Variants in PRKCE observed in about 807,000 individuals in gnomAD.
The protein encoded by PRKCE is protein kinase C epsilon.
PRKCE carries 16 observed loss-of-function variants against 85.4 expected under a neutral mutation model. The observed-to-expected ratio is 0.19, with a 90% CI of 0.13 to 0.28. PRKCE has a LOEUF of 0.28. Ranked by LOEUF, PRKCE falls within the 10% of genes least tolerant of loss-of-function variation. The pLI is 1.00. For missense variants in PRKCE, 573 were observed against 975.2 expected (o/e 0.59, Z 5.49); for synonymous variants, 388 against 371.5 (o/e 1.04, Z -0.51).
chr2:46,144,696 G>A (rs1187481933), intron 11 of PRKCE, among the ~76,000 whole-genome samples: 1 of 152,176 alleles, frequency 6.6e-6, no homozygotes, highest in Non-Finnish European at 1.5e-5. Flanking sequence ...GTCCCTATGT[G>A]TCATGCTGGG....
chr2:45,756,482 A>C (rs1411084431), intron 1 of PRKCE, among the ~76,000 whole-genome samples: 1 of 152,308 alleles, frequency 6.6e-6, no homozygotes, highest in Non-Finnish European at 1.5e-5. Flanking sequence ...CAGCCATTTC[A>C]CTCTAGGCCT....
intron 1 of PRKCE, among the ~76,000 whole-genome samples, chr2:45,762,581 G>A (rs956738127): frequency 6.6e-6 from 1 of 152,228 alleles, no homozygotes; most frequent in Admixed American, 6.5e-5. Flanking sequence ...ATCTGGAAGA[G>A]CTTGCCTGGG....
chr2:45,963,639 C>G (rs916088226), intron 2 of PRKCE, among the ~76,000 whole-genome samples: 1 of 152,156 alleles, frequency 6.6e-6, no homozygotes, highest in African/African-American at 2.4e-5. Flanking sequence ...CTGTCTTTCT[C>G]CATTTCCTTT....
Position 46,159,397 on chromosome 2 carries a change from C to A in PRKCE, c.1921-209C>A, listed in dbSNP as rs1449615046. Among the ~76,000 whole-genome samples the A allele has an allele frequency of 6.6e-6, 1 of 152,204 alleles. No individual in the cohort carries two copies. The highest frequency in any genetic ancestry group is 1.5e-5 in the Non-Finnish European group (1 of 68,036). On this transcript the variant is annotated intron_variant, in intron 13 of 14. Coordinates refer to ENST00000306156, the MANE Select transcript of PRKCE (RefSeq NM_005400.3). This position sits in a 1 kb window ranked among gnomAD's most constrained non-coding sequence, Gnocchi z 4.1. ...GGCATTAGGATGAAATGAGTTGATA[C>A]ATGTACCATGTCTAGAATGGTGTCT...
At chr2:46,111,596 T>TAAA (rs1393320262) in intron 11 of PRKCE, among the ~76,000 whole-genome samples, 2 of 152,194 alleles carry the variant, frequency 1.3e-5, no homozygotes, top group Non-Finnish European at 2.9e-5. Flanking sequence ...ACACAATACA[T>TAAA]GGTTATTTGT....
At chr2:45,693,626 C>T (rs1677913792) in intron 1 of PRKCE, among the ~76,000 whole-genome samples, 1 of 152,166 alleles carries the variant, frequency 6.6e-6, no homozygotes, top group African/African-American at 2.4e-5. Flanking sequence ...TCGGATCTGA[C>T]AGCTGATGTT....
chr2:46,118,098 C>G (rs1672952212), intron 11 of PRKCE, among the ~76,000 whole-genome samples: 1 of 152,146 alleles, frequency 6.6e-6, no homozygotes, highest in African/African-American at 2.4e-5. Flanking sequence ...TGACCAATAG[C>G]ATGGATAATT....
intron 1 of PRKCE, among the ~76,000 whole-genome samples, chr2:45,657,616 A>G (rs565061215): frequency 1.9e-4 from 29 of 152,268 alleles, no homozygotes; most frequent in Admixed American, 7.2e-4. Flanking sequence ...AGGTTTTCAT[A>G]TTCTCCAAAG....
chr2:46,003,882 T>G (rs1704930656), intron 7 of PRKCE: 1 of 153,754 alleles, frequency 6.5e-6, no homozygotes, highest in African/African-American at 2.4e-5. Context: ...ACACTGGGTA[T>G]TAGGAACACT....
At chr2:45,862,204 A>G (rs2105665838) in intron 2 of PRKCE, among the ~76,000 whole-genome samples, 1 of 151,798 alleles carries the variant, frequency 6.6e-6, no homozygotes. Context: ...ACACACACAC[A>G]CACACACACA....
chr2:45,879,993 C>A (rs1183966429), intron 2 of PRKCE, among the ~76,000 whole-genome samples: 2 of 152,020 alleles, frequency 1.3e-5, no homozygotes, highest in African/African-American at 2.4e-5. Context: ...GATTTTGTAT[C>A]CTTTAACAAA....
chr2:46,026,040 G>A (rs1459319416), intron 10 of PRKCE, among the ~76,000 whole-genome samples: 2 of 152,178 alleles, frequency 1.3e-5, no homozygotes, highest in Non-Finnish European at 2.9e-5. Context: ...TGATTCTTGT[G>A]CATCCATATC....
intron 1 of PRKCE, among the ~76,000 whole-genome samples, chr2:45,654,399 A>T (rs1320799087): frequency 1.3e-5 from 2 of 152,252 alleles, no homozygotes; most frequent in Admixed American, 6.5e-5. Context: ...AGGCCAGATC[A>T]TCTAGTGCAC....
intron 11 of PRKCE, among the ~76,000 whole-genome samples, chr2:46,117,632 A>G (rs779224056): frequency 6.6e-6 from 1 of 152,192 alleles, no homozygotes; most frequent in African/African-American, 2.4e-5. Context: ...GTCCTAAGCC[A>G]GTTCTTTTTA....
In PRKCE at chr2:45,720,389, T is replaced by C. The variant is rs577490962; in HGVS notation, c.348+67941T>C. ...TTCTAGGGATTTGAGGGCTCCCCAG[T>C]ACCTCCCAGGGGTAGCTTGGGGAGT... On this transcript the variant is annotated intron_variant, in intron 1 of 14. Transcript: ENST00000306156. 1.4e-4 allele frequency among the ~76,000 whole-genome samples: 22 copies of C among 152,200 alleles called. No individual in the cohort carries two copies. The East Asian group carries it at 4.1e-3, about 28-fold the overall frequency.
intron 1 of PRKCE, among the ~76,000 whole-genome samples, chr2:45,796,648 G>A (rs73926096): frequency 0.056 from 8,580 of 152,222 alleles, 807 homozygotes; most frequent in African/African-American, 0.2. Context: ...GGTACCTGGG[G>A]GGATGAAATG....
rs1042532190 is a variant in PRKCE at position 46,139,375 on chromosome 2, C to A, written c.1593-5718C>A. 4.6e-5 allele frequency among the ~76,000 whole-genome samples: 7 copies of A among 152,008 alleles called. No homozygotes were observed. Among genetic ancestry groups the A allele is most frequent in the Admixed American group, 2.0e-4 (3 of 15,254 alleles). ...AATACCTAGCCTATACATGTGTGAG[C>A]AGATAGAAGATATAACGGAAGAAAG... On this transcript the variant is annotated intron_variant, in intron 11 of 14. Transcript: ENST00000306156. This position sits in a 1 kb window ranked among gnomAD's most constrained non-coding sequence, Gnocchi z 5.2.
rs1198933781 is a variant in PRKCE, at chr2:46,109,669, C to T, written c.1592+23307C>T. 2.0e-5 allele frequency among the ~76,000 whole-genome samples: 3 copies of T among 152,006 alleles called. No homozygotes were observed. The East Asian group carries it at 5.8e-4, about 29-fold the overall frequency. ...TGAATAAAGACAATTTTGTTAATTC[C>T]TTCCTAATCTGCACACCTTTTATTT... On this transcript the variant is annotated intron_variant, in intron 11 of 14. Transcript: ENST00000306156.
chr2:45,922,643 C>G (rs561898212), intron 2 of PRKCE, among the ~76,000 whole-genome samples: 1 of 152,346 alleles, frequency 6.6e-6, no homozygotes, highest in East Asian at 1.9e-4. Flanking sequence ...GCAGCAACTG[C>G]CTGGGGTGCC....
Sources: gnomAD v4.1 joint callset for allele counts (sites outside exome capture counted in the v4.1 genomes callset) on GRCh38, gnomAD v4.1.1 for gene constraint, Gnocchi (gnomAD v3.1) non-coding constraint, MANE v1.5 for transcripts, NCBI Gene and HGNC (gene_info 2026-07-23, HGNC 2026-07-21) for gene names.